The following RBFOX1 variants were observed in gnomAD, a reference collection of about 807,000 sequenced individuals.
RBFOX1 encodes RNA binding fox-1 homolog 1, also known as RNA binding protein fox-1 homolog 1.
RBFOX1 carries 8 observed loss-of-function variants against 57.7 expected under a neutral mutation model. The observed-to-expected ratio is 0.14, with a 90% CI of 0.08 to 0.25. The LOEUF (loss-of-function observed/expected upper bound fraction) is 0.25. Ranked by LOEUF, RBFOX1 falls within the 10% of genes least tolerant of loss-of-function variation. The probability of loss-of-function intolerance (pLI) is 1.00; values close to 1 mark genes in which losing one functional copy is unlikely to be tolerated. For synonymous variants in RBFOX1, 326 were observed against 222.4 expected (o/e 1.47, Z -4.15); for missense variants, 611 against 548.5 (o/e 1.11, Z -1.14).
At position 6,983,457 on chromosome 16, in the gene RBFOX1, T is replaced by C. The variant is rs556592952; in HGVS notation, c.-15-68600T>C. 9.2e-5 allele frequency among the ~76,000 whole-genome samples: 14 copies of C among 152,046 alleles called. No individual in the cohort carries two copies. The South Asian group carries it at 2.9e-3, about 32-fold the overall frequency. On this transcript the variant is annotated intron_variant, in intron 3 of 15. Coordinates refer to ENST00000550418, the MANE Select transcript of RBFOX1 (RefSeq NM_018723.4). The stretch of plus-strand genomic sequence containing the variant: ...TCCGCCGACTTGCTGGCTTTTTTTT[T>C]TTTTAATAGGATTATGGAAGATGAA...
chr16:5,684,617 C>CTT (rs886664501), intron 3 of RBFOX1, among the ~76,000 whole-genome samples: 3 of 152,134 alleles, frequency 2.0e-5, no homozygotes, highest in African/African-American at 7.2e-5. Flanking sequence ...AATAAAGTAA[C>CTT]TTCTTGATGC....
intron 3 of RBFOX1, among the ~76,000 whole-genome samples, chr16:6,718,258 T>A (rs1387299562): frequency 6.6e-6 from 1 of 152,196 alleles, no homozygotes; most frequent in African/African-American, 2.4e-5. Context: ...GGTAGGTATG[T>A]TGGCACTATT....
chr16:6,684,430 G>C (rs889038452), intron 3 of RBFOX1, among the ~76,000 whole-genome samples: 4 of 152,328 alleles, frequency 2.6e-5, no homozygotes, highest in South Asian at 2.1e-4. Context: ...ATAGGAGAGG[G>C]AATATCAAGA....
At chr16:7,699,442 T>C (rs186607811) in intron 14 of RBFOX1, among the ~76,000 whole-genome samples, 22 of 152,300 alleles carry the variant, frequency 1.4e-4, no homozygotes, top group Admixed American at 1.2e-3. Context: ...TCCTGCCCCT[T>C]TGGCCTACCA....
At chr16:5,571,590 A>G (rs1489081890) in intron 2 of RBFOX1, among the ~76,000 whole-genome samples, 2 of 152,166 alleles carry the variant, frequency 1.3e-5, no homozygotes, top group African/African-American at 4.8e-5. Flanking sequence ...CACCGCCAGA[A>G]GATATGCTGA....
intron 2 of RBFOX1, among the ~76,000 whole-genome samples, chr16:5,501,662 C>T (rs946802810): frequency 6.6e-6 from 1 of 152,188 alleles, no homozygotes; most frequent in Non-Finnish European, 1.5e-5. Context: ...CGTCAAATCT[C>T]CAAACACAGT....
chr16:5,303,403 C>T (rs796610135), intron 1 of RBFOX1, among the ~76,000 whole-genome samples: 39 of 152,236 alleles, frequency 2.6e-4, no homozygotes, highest in African/African-American at 9.1e-4. Flanking sequence ...TATTTCAGTT[C>T]CACGGTCAAG....
chr16:7,196,320 C>G (rs994258536), intron 4 of RBFOX1, among the ~76,000 whole-genome samples: 2 of 152,154 alleles, frequency 1.3e-5, no homozygotes, highest in African/African-American at 4.8e-5. Flanking sequence ...CTGAAGATGT[C>G]TCAGGGAATT....
chr16:6,912,106 T>G (rs1597006409), intron 3 of RBFOX1, among the ~76,000 whole-genome samples: 1 of 152,230 alleles, frequency 6.6e-6, no homozygotes, highest in Admixed American at 6.5e-5. Context: ...GCTCTATCAT[T>G]TATACTTACT....
chr16:6,727,744 C>T (rs1188239291), intron 3 of RBFOX1, among the ~76,000 whole-genome samples: 2 of 152,100 alleles, frequency 1.3e-5, no homozygotes, highest in Non-Finnish European at 2.9e-5. Context: ...CCATGAAGTA[C>T]CCTGCTGAGT....
chr16:7,390,489 A>G (rs1268365193), intron 4 of RBFOX1, among the ~76,000 whole-genome samples: 1 of 152,214 alleles, frequency 6.6e-6, no homozygotes, highest in Non-Finnish European at 1.5e-5. Flanking sequence ...TTGCCATATC[A>G]TCTGTTCAAA....
intron 4 of RBFOX1, among the ~76,000 whole-genome samples, chr16:7,072,746 G>A (rs1277680167): frequency 1.3e-5 from 2 of 152,194 alleles, no homozygotes; most frequent in Non-Finnish European, 2.9e-5. Context: ...TCAGGCAATG[G>A]GTACAAAGCA....
chr16:5,505,224 T>C (rs1325822731), intron 2 of RBFOX1, among the ~76,000 whole-genome samples: 1 of 152,186 alleles, frequency 6.6e-6, no homozygotes, highest in Non-Finnish European at 1.5e-5. Flanking sequence ...TCTCCTCTAC[T>C]TAAAACCTGG....
chr16:7,634,316 T>C (rs1247575538), intron 11 of RBFOX1, among the ~76,000 whole-genome samples: 1 of 152,184 alleles, frequency 6.6e-6, no homozygotes, highest in African/African-American at 2.4e-5. Context: ...ACTTGCAAGA[T>C]AACTCTGGAG....
chr16:7,451,936 G>T (rs1455080230), intron 4 of RBFOX1, among the ~76,000 whole-genome samples: 1 of 152,104 alleles, frequency 6.6e-6, no homozygotes, highest in African/African-American at 2.4e-5. Context: ...ATCTGGGTAT[G>T]GAATGAGGTG....
intron 4 of RBFOX1, among the ~76,000 whole-genome samples, chr16:7,115,731 T>A (rs545505031): frequency 6.6e-6 from 1 of 151,734 alleles, no homozygotes; most frequent in South Asian, 2.1e-4. Flanking sequence ...GGAGGTGACA[T>A]TCCATTTCTC....
intron 2 of RBFOX1, among the ~76,000 whole-genome samples, chr16:6,648,362 C>G (rs767478500): frequency 1.3e-5 from 2 of 148,748 alleles, no homozygotes; most frequent in African/African-American, 2.5e-5. Context: ...TAACTGGCTC[C>G]CAGGGGCATC....
intron 2 of RBFOX1, among the ~76,000 whole-genome samples, chr16:6,613,871 G>C (rs1410407858): frequency 1.3e-5 from 2 of 152,194 alleles, no homozygotes; most frequent in African/African-American, 2.4e-5. Flanking sequence ...CTGGGAGGCA[G>C]AGGTTGCAGT....
At chr16:5,266,869 G>A (rs1376285009) in intron 1 of RBFOX1, among the ~76,000 whole-genome samples, 3 of 152,008 alleles carry the variant, frequency 2.0e-5, no homozygotes, top group African/African-American at 7.2e-5. Flanking sequence ...AGTATGTTCA[G>A]TTTGTAAGGA....
Sources: gnomAD v4.1 joint callset for allele counts (sites outside exome capture counted in the v4.1 genomes callset) on GRCh38, gnomAD v4.1.1 for gene constraint, MANE v1.5 for transcripts, NCBI Gene and HGNC (gene_info 2026-07-23, HGNC 2026-07-21) for gene names.